ATP2C1: variants seen among roughly 807,000 people sequenced by gnomAD.
ATP2C1 encodes calcium-transporting ATPase type 2C member 1.
Under a neutral mutation model 120.5 loss-of-function variants are expected in ATP2C1, and 31 were observed. The observed-to-expected ratio is 0.26, with a 90% CI of 0.19 to 0.35. ATP2C1 has a LOEUF of 0.35. ATP2C1 is among the 10% of genes least tolerant of loss of function. ATP2C1 has a pLI of 1.00. For missense variants in ATP2C1, 731 were observed against 1,107.5 expected (o/e 0.66, Z 4.83); for synonymous variants, 351 against 358.7 (o/e 0.98, Z 0.24).
chr3:130,856,594 C>T (rs1250134698), intron 1 of ATP2C1, among the ~76,000 whole-genome samples: 2 of 152,194 alleles, frequency 1.3e-5, no homozygotes, highest in Non-Finnish European at 2.9e-5. Flanking sequence ...ATTGTCAGTT[C>T]AAATGATATT....
rs779084829 is a variant in ATP2C1, at chr3:131,001,926, GTTCTT to G, written c.*583_*587del. The G allele has an allele frequency of 4.1e-5, 40 of 984,384 alleles. No individual in the cohort carries two copies. Among genetic ancestry groups the G allele is most frequent in the Non-Finnish European group, 4.7e-5 (39 of 828,794 alleles). The allele number at this position is 984,384 out of a possible 1,614,324, so 61.0% of individuals were successfully genotyped here. A position where few individuals can be genotyped will look rare whatever the true frequency, so the allele number is the denominator to read the frequency against. On this transcript the variant is annotated 3_prime_UTR_variant, in exon 28 of 28. Coordinates refer to ENST00000510168, the MANE Select transcript of ATP2C1 (RefSeq NM_001378687.1). ...AGGATGTGACCACTGTCAGATCACTGTTCTTTTCTTTCTTTTTGTGATTGAAAAGC... is the reference window on the plus strand; with the variant it reads ...AGGATGTGACCACTGTCAGATCACTGTTCTTTCTTTTTGTGATTGAAAAGC...
chr3:130,999,641 G>A lies in ATP2C1; in HGVS notation c.2611G>A (p.Glu871Lys). The A allele has an allele frequency of 6.2e-7, 1 of 1,612,884 alleles. No homozygotes were observed. The highest frequency in any genetic ancestry group is 8.5e-7 in the Non-Finnish European group (1 of 1,179,070). Residue 871 changes from glutamate to lysine, a missense_variant, in exon 27 of 28, where the codon GAG (glutamate) becomes AAG (lysine). Glu to Lys is a moderately conservative substitution (Grantham distance 56, BLOSUM62 1). Around this residue, in one of 3 missense-constraint regions of ATP2C1, gnomAD observed 141 missense variants for 201.6 expected, o/e 0.70. Coordinates refer to ENST00000510168, the MANE Select transcript of ATP2C1 (RefSeq NM_001378687.1). Reference protein sequence around the residue: ...FPPLQKVFQTESLSILDLLFL... With the variant: ...FPPLQKVFQTKSLSILDLLFL... ...TCCGCTTCAGAAGGTTTTTCAGACT[G>A]AGAGCCTAAGCATACTGGGTAAAGA...
intron 18 of ATP2C1, among the ~76,000 whole-genome samples, chr3:130,975,747 CAA>C (rs1460058817): frequency 5.3e-5 from 8 of 152,160 alleles, no homozygotes; most frequent in Admixed American, 3.3e-4. Context: ...TTATTTTAAA[CAA>C]GTTTATCTTA....
chr3:130,902,106 C>G (rs1472045046), intron 2 of ATP2C1, among the ~76,000 whole-genome samples: 1 of 152,002 alleles, frequency 6.6e-6, no homozygotes, highest in Non-Finnish European at 1.5e-5. Flanking sequence ...CCTTGGTTTC[C>G]TCACTTGTAA....
At chr3:131,015,190 A>T in intron 26 of ATP2C1, 1 of 702,154 alleles carries the variant, frequency 1.4e-6, no homozygotes, top group South Asian at 1.5e-5. Flanking sequence ...ACCTTGAAAC[A>T]TGTAAAGTCC....
chr3:130,895,663 A>G (rs1451604443), intron 2 of ATP2C1, among the ~76,000 whole-genome samples: 1 of 152,162 alleles, frequency 6.6e-6, no homozygotes. Context: ...TGTTTTAAAA[A>G]ATATGTGTCT....
chr3:130,999,471 T>A lies in ATP2C1; in HGVS notation c.2488-47T>A, dbSNP rs749748830. 3 of 1,605,778 alleles carry A rather than the reference T, an allele frequency of 1.9e-6. No individual in the cohort carries two copies. In the East Asian group the frequency reaches 6.7e-5, roughly 36 times the overall value. ...AGAAGTGAATATAATAAAGAAGTTA[T>A]TTCTGTGACCAAGGAGTAATAAATG... is the stretch of plus-strand genomic sequence containing the variant. On this transcript the variant is annotated intron_variant, in intron 26 of 27. Transcript: ENST00000510168.
intron 1 of ATP2C1, among the ~76,000 whole-genome samples, chr3:130,872,043 T>C (rs2068451107): frequency 7.3e-6 from 1 of 137,866 alleles, no homozygotes; most frequent in South Asian, 2.3e-4. Context: ...AAAAAAAAAA[T>C]CTTTAAGCAA....
chr3:130,969,484 G>A, intron 17 of ATP2C1, 88 bp downstream of exon 17: 1 of 969,928 alleles, frequency 1.0e-6, no homozygotes, highest in Non-Finnish European at 1.6e-6. Flanking sequence ...TTTAGTCATT[G>A]TACATAATAA....
intron 20 of ATP2C1, among the ~76,000 whole-genome samples, chr3:130,988,781 A>G (rs780602376): frequency 8.5e-5 from 13 of 152,210 alleles, no homozygotes; most frequent in Non-Finnish European, 1.8e-4. Context: ...GGCAGCATTT[A>G]GGCCACATCC....
At chr3:130,989,928 A>T (rs2062238182) in intron 20 of ATP2C1, among the ~76,000 whole-genome samples, 1 of 152,188 alleles carries the variant, frequency 6.6e-6, no homozygotes, top group Admixed American at 6.5e-5. Context: ...TTTTAAAGGC[A>T]CACTGAAGAG....
At chr3:131,001,074 G>A in intron 27 of ATP2C1, 146 bp from the exon 28 acceptor site, 1 of 624,340 alleles carries the variant, frequency 1.6e-6, no homozygotes, top group South Asian at 1.9e-5. Context: ...CTGCATTCCA[G>A]CCTGGGTGAC....
intron 2 of ATP2C1, among the ~76,000 whole-genome samples, chr3:130,923,841 G>C (rs1275709297): frequency 1.3e-5 from 2 of 149,872 alleles, no homozygotes; most frequent in African/African-American, 2.5e-5. Flanking sequence ...CTCTAACCTG[G>C]GTGATGAAGT....
At position 130,998,208 on chromosome 3, in the gene ATP2C1, A is replaced by G. The variant is rs2062721990; in HGVS notation, c.2392-86A>G. 3 of 935,506 alleles carry G rather than the reference A, an allele frequency of 3.2e-6. No individual in the cohort carries two copies. In the Admixed American group the frequency reaches 5.5e-5, roughly 17 times the overall value. The allele number at this position is 935,506 out of a possible 1,614,324, so 58.0% of individuals were successfully genotyped here. ...CTAAAGTTATTTCTTCCTAATGGAA[A>G]GAAAATGTTTATATTTTTTAAAAAG... On this transcript the variant is annotated intron_variant, in intron 25 of 27. Coordinates refer to ENST00000510168, the MANE Select transcript of ATP2C1 (RefSeq NM_001378687.1).
intron 22 of ATP2C1, among the ~76,000 whole-genome samples, chr3:130,994,563 CCA>C (rs2062512102): frequency 6.6e-6 from 1 of 152,084 alleles, no homozygotes; most frequent in Non-Finnish European, 1.5e-5. Flanking sequence ...TTTGTGTCAG[CCA>C]CAGTTTCCAG....
At chr3:130,999,169 G>T (rs906694817) in intron 26 of ATP2C1, among the ~76,000 whole-genome samples, 1 of 152,124 alleles carries the variant, frequency 6.6e-6, no homozygotes. Flanking sequence ...AAGGATTTTA[G>T]ATTATCTACC....
chr3:130,976,008 C>T (rs1023702147), intron 18 of ATP2C1, among the ~76,000 whole-genome samples: 13 of 152,074 alleles, frequency 8.5e-5, no homozygotes, highest in Admixed American at 7.9e-4. Flanking sequence ...GGCCACCTCT[C>T]CTAGGGATGT....
At chr3:130,961,642 C>T (rs1232017984) in intron 12 of ATP2C1, among the ~76,000 whole-genome samples, 1 of 151,780 alleles carries the variant, frequency 6.6e-6, no homozygotes, top group African/African-American at 2.4e-5. Flanking sequence ...TATTGTGTTG[C>T]CTAAAGTATT....
chr3:130,913,620 G>A (rs1301459110), intron 2 of ATP2C1, among the ~76,000 whole-genome samples: 1 of 151,910 alleles, frequency 6.6e-6, no homozygotes, highest in Non-Finnish European at 1.5e-5. Context: ...AGATTTTTTT[G>A]GTGTGTGTAT....
Sources: gnomAD v4.1 joint callset for allele counts (sites outside exome capture counted in the v4.1 genomes callset) on GRCh38, gnomAD v4.1.1 for gene constraint, gnomAD v4.1.1 regional missense constraint, MANE v1.5 for transcripts, NCBI Gene and HGNC (gene_info 2026-07-23, HGNC 2026-07-21) for gene names.